UNC5D: variants seen among roughly 807,000 people sequenced by gnomAD.
The protein encoded by UNC5D is unc-5 netrin receptor D, also known as netrin receptor UNC5D.
In UNC5D, 39 loss-of-function variants were observed where a neutral mutation model predicts 105.4. The observed-to-expected ratio is 0.37, with a 90% CI of 0.29 to 0.48. UNC5D has a LOEUF of 0.48. Among genes scored for constraint, UNC5D ranks in the 20% least tolerant of loss-of-function variants. The pLI is 0.98. For missense variants in UNC5D, 991 were observed against 1,202.4 expected, an observed-to-expected ratio of 0.82 and a Z score of 2.60; for synonymous variants, 452 against 450.4, an observed-to-expected ratio of 1.00 and a Z score of -0.04.
At chr8:35,303,663 G>T (rs1017162727) in intron 1 of UNC5D, among the ~76,000 whole-genome samples, 2 of 152,128 alleles carry the variant, frequency 1.3e-5, no homozygotes, top group African/African-American at 4.8e-5. Context: ...TTTGATAATT[G>T]TACTGAAGTT....
In UNC5D at chr8:35,319,060, C is replaced by T. The variant is rs577418400; in HGVS notation, c.103+83173C>T. ...AAAAGAAAGGATTCCATGATTCCTG[C>T]GCAGTAACATTCATACCCATATGTT... On this transcript the variant is annotated intron_variant, in intron 1 of 16. Coordinates refer to ENST00000404895, the MANE Select transcript of UNC5D (RefSeq NM_080872.4). 3.9e-5 allele frequency among the ~76,000 whole-genome samples: 6 copies of T among 152,180 alleles called. No homozygotes were observed. In the South Asian group the frequency reaches 6.2e-4, roughly 16 times the overall value.
intron 9 of UNC5D, among the ~76,000 whole-genome samples, chr8:35,724,876 A>T (rs1309604311): frequency 6.6e-6 from 1 of 152,178 alleles, no homozygotes. Flanking sequence ...CTCAGTGCAG[A>T]CCTGCTAGAA....
At chr8:35,639,940 G>C (rs924842089) in intron 4 of UNC5D, among the ~76,000 whole-genome samples, 1 of 151,370 alleles carries the variant, frequency 6.6e-6, no homozygotes, top group African/African-American at 2.4e-5. Context: ...GCCCAGTCTG[G>C]TCTTAAACTC....
chr8:35,263,139 CCTCT>C (rs979271863), intron 1 of UNC5D, among the ~76,000 whole-genome samples: 8 of 152,130 alleles, frequency 5.3e-5, no homozygotes, highest in African/African-American at 1.9e-4. Flanking sequence ...AGTTGCTTCA[CCTCT>C]CTATCAGGCT....
chr8:35,344,613 A>G (rs914485378), intron 1 of UNC5D, among the ~76,000 whole-genome samples: 1 of 149,766 alleles, frequency 6.7e-6, no homozygotes, highest in South Asian at 2.1e-4. Flanking sequence ...TAATGGCAAC[A>G]ATTTTCTAAA....
rs181802028 is a variant in UNC5D, at chr8:35,628,071, A to G, written c.570+32414A>G. On this transcript the variant is annotated intron_variant, in intron 4 of 16. Transcript: ENST00000404895. ...TTTCATAGACCTAATCAATTGTAAA[A>G]ATTACCATTATTTTATATAGCCCTT... Among the ~76,000 whole-genome samples, 17 of 152,206 alleles carry G rather than the reference A, an allele frequency of 1.1e-4. No individual in the cohort carries two copies. In the East Asian group the frequency reaches 1.7e-3, roughly 16 times the overall value.
intron 1 of UNC5D, among the ~76,000 whole-genome samples, chr8:35,330,612 A>G (rs772965939): frequency 1.3e-5 from 2 of 152,090 alleles, no homozygotes; most frequent in African/African-American, 2.4e-5. Context: ...GGCCTCTATC[A>G]TTTTTCAGAA....
intron 4 of UNC5D, among the ~76,000 whole-genome samples, chr8:35,628,520 T>G (rs1306042471): frequency 6.6e-6 from 1 of 152,182 alleles, no homozygotes; most frequent in East Asian, 1.9e-4. Context: ...GTGCATAGAT[T>G]TTTCAGAACC....
chr8:35,706,719 A>G (rs769786176), intron 8 of UNC5D, among the ~76,000 whole-genome samples: 34 of 152,248 alleles, frequency 2.2e-4, no homozygotes, highest in Non-Finnish European at 4.1e-4. Context: ...GAGAACCATG[A>G]TTTTAGAAAA....
At chr8:35,716,104 G>A (rs975599077) in intron 8 of UNC5D, among the ~76,000 whole-genome samples, 30 of 152,288 alleles carry the variant, frequency 2.0e-4, no homozygotes, top group African/African-American at 6.7e-4. Context: ...CCCAGGTGCC[G>A]GTATGGAGAG....
intron 1 of UNC5D, among the ~76,000 whole-genome samples, chr8:35,393,489 T>C (rs1382841664): frequency 6.6e-6 from 1 of 152,190 alleles, no homozygotes; most frequent in African/African-American, 2.4e-5. Flanking sequence ...ACAATACTAT[T>C]TCAAATTATC....
chr8:35,548,970 C>T (rs1239800618), intron 1 of UNC5D, among the ~76,000 whole-genome samples: 3 of 152,140 alleles, frequency 2.0e-5, no homozygotes, highest in Non-Finnish European at 2.9e-5. Context: ...TAACCATTCA[C>T]CAGAGCCTCT....
chr8:35,695,664 TA>T (rs529534554), intron 7 of UNC5D, among the ~76,000 whole-genome samples: 9 of 152,094 alleles, frequency 5.9e-5, no homozygotes, highest in Non-Finnish European at 1.2e-4. Flanking sequence ...CTCTCATTCA[TA>T]AGAAATACAT....
chr8:35,602,395 T>A (rs1420855152), intron 4 of UNC5D, among the ~76,000 whole-genome samples: 1 of 152,222 alleles, frequency 6.6e-6, no homozygotes, highest in Non-Finnish European at 1.5e-5. Flanking sequence ...TCCTTGTACC[T>A]CTGGTAGAAT....
At chr8:35,580,195 A>T (rs561195966) in intron 3 of UNC5D, among the ~76,000 whole-genome samples, 109 of 152,290 alleles carry the variant, frequency 7.2e-4, no homozygotes, top group Non-Finnish European at 1.4e-3. Flanking sequence ...GTCATGTGTG[A>T]ACTACCTGTG....
chr8:35,783,017 C>T (rs1802575301), intron 16 of UNC5D, among the ~76,000 whole-genome samples: 1 of 151,854 alleles, frequency 6.6e-6, no homozygotes, highest in African/African-American at 2.4e-5. Context: ...GTGATGCTCA[C>T]CTGTGGTCCT....
chr8:35,333,558 C>A (rs1023869130), intron 1 of UNC5D, among the ~76,000 whole-genome samples: 2 of 152,150 alleles, frequency 1.3e-5, no homozygotes, highest in African/African-American at 4.8e-5. Flanking sequence ...TGGCTCACTG[C>A]AACCTCCGCC....
At chr8:35,258,927 G>A (rs1804259635) in intron 1 of UNC5D, among the ~76,000 whole-genome samples, 1 of 152,100 alleles carries the variant, frequency 6.6e-6, no homozygotes, top group Non-Finnish European at 1.5e-5. Flanking sequence ...ATGCAGAGAA[G>A]GTTTGAGAGA....
At chr8:35,359,963 G>A (rs1021226406) in intron 1 of UNC5D, among the ~76,000 whole-genome samples, 2 of 152,258 alleles carry the variant, frequency 1.3e-5, no homozygotes, top group African/African-American at 4.8e-5. Flanking sequence ...AGGTATAGAT[G>A]CTTTTTAAAT....
Sources: allele counts gnomAD v4.1 joint callset (sites outside exome capture counted in the v4.1 genomes callset), GRCh38; gene constraint gnomAD v4.1.1; transcripts MANE v1.5; gene names NCBI Gene and HGNC (gene_info 2026-07-23, HGNC 2026-07-21).